The following SLC25A30 variants were observed in gnomAD, a reference collection of about 807,000 sequenced individuals.
SLC25A30 encodes kidney mitochondrial carrier protein 1.
In SLC25A30, 29 loss-of-function variants were observed where a neutral mutation model predicts 42.7. The observed-to-expected ratio is 0.68, with a 90% CI of 0.51 to 0.93. The LOEUF (loss-of-function observed/expected upper bound fraction) is 0.93, where lower values mean the gene tolerates loss of function less well. Among genes scored for constraint, SLC25A30 ranks in the 40% least tolerant of loss-of-function variants. SLC25A30 has a pLI of 0.00. For missense variants in SLC25A30, 300 were observed against 359.7 expected, an observed-to-expected ratio of 0.83 and a Z score of 1.34; for synonymous variants, 124 against 131.0, an observed-to-expected ratio of 0.95 and a Z score of 0.37.
the SLC25A30 span, among the ~76,000 whole-genome samples, chr13:45,427,544 A>C: frequency 2.0e-5 from 3 of 151,922 alleles, no homozygotes. Flanking sequence ...ACGTTTCCCC[A>C]TCTCCCTTTC....
At chr13:45,401,797 C>G (rs1882005746) in intron 6 of SLC25A30, among the ~76,000 whole-genome samples, 1 of 152,116 alleles carries the variant, frequency 6.6e-6, no homozygotes, top group Admixed American at 6.5e-5. Flanking sequence ...CAATGCCTCA[C>G]AACTGTAATC....
intron 2 of SLC25A30, 125 bp downstream of exon 2, chr13:45,411,237 G>A (rs981550995): frequency 3.4e-5 from 27 of 796,450 alleles, no homozygotes; most frequent in Admixed American, 1.8e-4. Flanking sequence ...ACCACACCCA[G>A]CTAACAGACA....
At chr13:45,424,520 TATAAAA>T in the SLC25A30 span, among the ~76,000 whole-genome samples, 5 of 57,826 alleles carry the variant, frequency 8.6e-5, no homozygotes, top group African/African-American at 2.9e-4. Context: ...TATATAAATA[TATAAAA>T]ATATATATAA....
intron 1 of SLC25A30, among the ~76,000 whole-genome samples, chr13:45,413,942 C>A (rs189475544): frequency 1.5e-4 from 23 of 152,322 alleles, no homozygotes; most frequent in Admixed American, 5.9e-4. Flanking sequence ...AATCCAGAGG[C>A]TCTGGGTTAA....
rs1158830577 is a variant in SLC25A30 at position 45,394,693 on chromosome 13, AAAAG to A, written c.*1277_*1280del. ...TTAGAGTAAAGAATAAGAAAATAGA[AAAAG>A]AAAAAAAGAAGAGGGAGAATGACTT... On this transcript the variant is annotated 3_prime_UTR_variant, in exon 10 of 10. Transcript: ENST00000519676. 10 of 984,944 alleles carry A rather than the reference AAAAG, an allele frequency of 1.0e-5. No individual in the cohort carries two copies. The highest frequency in any genetic ancestry group is 1.1e-4 in the East Asian group (1 of 8,824). 61.0% of individuals were successfully genotyped at this position (984,944 alleles called of 1,614,324 possible).
the SLC25A30 span, among the ~76,000 whole-genome samples, chr13:45,423,597 A>G: frequency 1.9e-5 from 2 of 106,416 alleles, 1 homozygote; most frequent in Non-Finnish European, 3.5e-5. Flanking sequence ...ATAAATATAT[A>G]TATATATAAA....
At chr13:45,423,822 ATATATATT>A in the SLC25A30 span, among the ~76,000 whole-genome samples, 83 of 75,988 alleles carry the variant, frequency 1.1e-3, 1 homozygote, top group African/African-American at 2.8e-3. Flanking sequence ...AAAAATATAA[ATATATATT>A]TATATATATA....
At chr13:45,425,842 G>A in the SLC25A30 span, among the ~76,000 whole-genome samples, 3 of 145,624 alleles carry the variant, frequency 2.1e-5, no homozygotes, top group Non-Finnish European at 3.0e-5. Context: ...ACAGGTGCCC[G>A]CCAGCATGCC....
At position 45,397,081 on chromosome 13, in the gene SLC25A30, C is replaced by T. The variant is rs61955107; in HGVS notation, c.834+177G>A. 1.5e-3 allele frequency: 901 copies of T among 592,070 alleles called. 2 individuals are homozygous for T. The highest frequency in any genetic ancestry group is 2.0e-3 in the Non-Finnish European group (690 of 339,240). The allele number at this position is 592,070 out of a possible 1,614,324, so 36.7% of individuals were successfully genotyped here. ...CCACCATCAAAGCAAGATTCAGTGTCTAGCACGGAGACTTTACACTTCCTA... is the reference window on the plus strand; with the variant it reads ...CCACCATCAAAGCAAGATTCAGTGTTTAGCACGGAGACTTTACACTTCCTA... On this transcript the variant is annotated intron_variant, in intron 9 of 9. Coordinates refer to ENST00000519676, the MANE Select transcript of SLC25A30 (RefSeq NM_001010875.4).
At chr13:45,396,107 A>G in intron 9 of SLC25A30, 92 bp from the exon 10 acceptor site, 1 of 1,612,814 alleles carries the variant, frequency 6.2e-7, no homozygotes, top group South Asian at 1.1e-5. Context: ...CTTAATAACA[A>G]ATAGGTACAG....
chr13:45,410,622 G>C (rs950338579), intron 2 of SLC25A30, among the ~76,000 whole-genome samples: 9 of 152,074 alleles, frequency 5.9e-5, no homozygotes, highest in African/African-American at 2.2e-4. Context: ...GACCAGCCTG[G>C]GCAACATGGC....
the SLC25A30 span, among the ~76,000 whole-genome samples, chr13:45,424,613 ATATAAATATATATAAATATG>A: frequency 3.5e-4 from 25 of 70,672 alleles, 4 homozygotes; most frequent in South Asian, 9.5e-3. Flanking sequence ...ATATAAATAT[ATATAAATATATATAAATATG>A]TATATAAACA....
Position 45,394,526 on chromosome 13 carries a change from C to G in SLC25A30, c.*1448G>C. On this transcript the variant is annotated 3_prime_UTR_variant, in exon 10 of 10. Coordinates refer to ENST00000519676, the MANE Select transcript of SLC25A30 (RefSeq NM_001010875.4). ...TTTAATGTTGTTCTCAAAGGGGGAA[C>G]TGAAGAGACCCAAATAAATATGTTC... 2 of 985,322 alleles carry G rather than the reference C, an allele frequency of 2.0e-6. No homozygotes were observed. Among genetic ancestry groups the G allele is most frequent in the Non-Finnish European group, 2.4e-6 (2 of 829,926 alleles). 61.0% of individuals were successfully genotyped at this position (985,322 alleles called of 1,614,324 possible). A position where few individuals can be genotyped will look rare whatever the true frequency, so the allele number is the denominator to read the frequency against.
At position 45,394,384 on chromosome 13, in the gene SLC25A30, A is replaced by T; in HGVS notation, c.*1590T>A. 1 of 985,320 alleles carries T rather than the reference A, an allele frequency of 1.0e-6. No homozygotes were observed. Among genetic ancestry groups the T allele is most frequent in the Non-Finnish European group, 1.2e-6 (1 of 829,932 alleles). The allele number at this position is 985,320 out of a possible 1,614,324, so 61.0% of individuals were successfully genotyped here. On this transcript the variant is annotated 3_prime_UTR_variant, in exon 10 of 10. Transcript: ENST00000519676. The stretch of plus-strand genomic sequence containing the variant: ...AATGCCTGCGAGGAAAAATTATCTC[A>T]TCCTCCAAAAAAACCTGCAGTCCTT...
intron 7 of SLC25A30, among the ~76,000 whole-genome samples, chr13:45,399,818 T>C (rs1881747671): frequency 6.6e-6 from 1 of 151,838 alleles, no homozygotes; most frequent in South Asian, 2.1e-4. Flanking sequence ...CGCAAAGGTC[T>C]TAGGTTCTGC....
chr13:45,413,001 G>A (rs1883160945), intron 1 of SLC25A30, among the ~76,000 whole-genome samples: 1 of 152,186 alleles, frequency 6.6e-6, no homozygotes, highest in African/African-American at 2.4e-5. Flanking sequence ...AATTTCCCAA[G>A]TCTCCTTTTC....
intron 9 of SLC25A30, chr13:45,396,366 TCTC>T: frequency 1.8e-6 from 2 of 1,124,656 alleles, no homozygotes; most frequent in Non-Finnish European, 2.2e-6. Context: ...CCTGGGAAGC[TCTC>T]CTCAAAGGCT....
chr13:45,410,104 G>T (rs1882871454), intron 2 of SLC25A30, among the ~76,000 whole-genome samples: 1 of 152,180 alleles, frequency 6.6e-6, no homozygotes, highest in African/African-American at 2.4e-5. Flanking sequence ...CCAGCACAGG[G>T]CATTCAACAG....
Position 45,393,968 on chromosome 13 carries a change from T to A in SLC25A30, c.*2006A>T. On this transcript the variant is annotated 3_prime_UTR_variant, in exon 10 of 10. Transcript: ENST00000519676. Reference sequence around the variant, plus strand: ...ACTGTTTTAAAAATTGTATGCATATTTGAAAAAGTAAAATTTTTCTACATT... The same window carrying A: ...ACTGTTTTAAAAATTGTATGCATATATGAAAAAGTAAAATTTTTCTACATT... 2 of 984,798 alleles carry A rather than the reference T, an allele frequency of 2.0e-6. No homozygotes were observed. Among genetic ancestry groups the A allele is most frequent in the South Asian group, 9.4e-5 (2 of 21,282 alleles). The allele number at this position is 984,798 out of a possible 1,614,324, so 61.0% of individuals were successfully genotyped here. A position where few individuals can be genotyped will look rare whatever the true frequency, so the allele number is the denominator to read the frequency against.
Sources: gnomAD v4.1 joint callset for allele counts (sites outside exome capture counted in the v4.1 genomes callset) on GRCh38, gnomAD v4.1.1 for gene constraint, MANE v1.5 for transcripts, NCBI Gene and HGNC (gene_info 2026-07-23, HGNC 2026-07-21) for gene names.